The following PCLO variants were observed in gnomAD, a reference collection of about 807,000 sequenced individuals.
The protein encoded by PCLO is protein piccolo.
In PCLO, 82 loss-of-function variants were observed where a neutral mutation model predicts 427.5. The observed-to-expected ratio is 0.19, with a 90% CI of 0.16 to 0.23. PCLO has a LOEUF of 0.23. PCLO is among the 10% of genes least tolerant of loss of function. The pLI, the probability that PCLO is intolerant of heterozygous loss-of-function variation, is 1.00. For synonymous variants in PCLO, 2,357 were observed against 2,155.4 expected (o/e 1.09, Z -2.59); for missense variants, 6,239 against 6,115.9 (o/e 1.02, Z -0.67).
chr7:83,135,125 T>A lies in PCLO; in HGVS notation c.2425A>T (p.Thr809Ser). ...TCAAATGGGCTGACTTTTTCCCCTG[T>A]TGGTGGAAAACTCTGTGAGGGTTTG... ...SAKPSQSFPP[T>S]GEKVSPFDSK... is the part of the protein sequence containing the mutation. Residue 809 changes from threonine (T) to serine (S), a missense_variant, in exon 3 of 25, where the codon ACA becomes TCA. Thr to Ser is a moderately conservative substitution (Grantham distance 58, BLOSUM62 1). Coordinates refer to ENST00000333891, the MANE Select transcript of PCLO (RefSeq NM_033026.6). 1 of 1,613,890 alleles carries A rather than the reference T, an allele frequency of 6.2e-7. No homozygotes were observed. Among genetic ancestry groups the A allele is most frequent in the Non-Finnish European group, 8.5e-7 (1 of 1,179,870 alleles).
chr7:82,817,737 C>T (rs543008355), intron 20 of PCLO, among the ~76,000 whole-genome samples: 9 of 152,226 alleles, frequency 5.9e-5, no homozygotes, highest in South Asian at 2.1e-4. Flanking sequence ...TCAGGGAACT[C>T]GAAATCATAT....
chr7:82,757,208 T>G lies in PCLO; in HGVS notation c.*1367A>C, dbSNP rs936132458. 2 of 152,088 alleles carry G rather than the reference T, an allele frequency of 1.3e-5. No individual in the cohort carries two copies. The highest frequency in any genetic ancestry group is 2.9e-5 in the Non-Finnish European group (2 of 67,986). The allele number at this position is 152,088 out of a possible 1,614,324, so 9.4% of individuals were successfully genotyped here. A position where few individuals can be genotyped will look rare whatever the true frequency, so the allele number is the denominator to read the frequency against. ...GACCAGAAGACAGGCTTTTATTCCC[T>G]GCTGAGTGTTTTTTCCACAACTTCA... On this transcript the variant is annotated 3_prime_UTR_variant, in exon 25 of 25. Transcript: ENST00000333891.
At chr7:82,920,985 CAA>C (rs1229439423) in intron 6 of PCLO, among the ~76,000 whole-genome samples, 5 of 151,544 alleles carry the variant, frequency 3.3e-5, no homozygotes, top group Non-Finnish European at 5.9e-5. Context: ...TTGATGTATT[CAA>C]AGAGTTGTTA....
At chr7:82,844,168 TA>T (rs2115798522) in intron 13 of PCLO, among the ~76,000 whole-genome samples, 1 of 152,302 alleles carries the variant, frequency 6.6e-6, no homozygotes, top group East Asian at 1.9e-4. Context: ...AATTTAGTAT[TA>T]ATTATGTTGG....
At chr7:82,936,606 G>C (rs1794958416) in intron 6 of PCLO, among the ~76,000 whole-genome samples, 1 of 151,634 alleles carries the variant, frequency 6.6e-6, no homozygotes, top group African/African-American at 2.4e-5. Flanking sequence ...CTATGGCAGA[G>C]GTTGACAGTT....
chr7:83,043,796 CA>C (rs1789029026), intron 3 of PCLO, among the ~76,000 whole-genome samples: 1 of 151,316 alleles, frequency 6.6e-6, no homozygotes, highest in South Asian at 2.1e-4. Context: ...TCACTGTATA[CA>C]AAGCCATTTT....
intron 23 of PCLO, 71 bp from the exon 24 acceptor site, chr7:82,760,855 A>T (rs1256951810): frequency 1.4e-6 from 1 of 713,180 alleles, no homozygotes; most frequent in African/African-American, 1.9e-5. Flanking sequence ...TTATAACTGT[A>T]TACTGAGAGT....
chr7:82,977,219 T>G (rs1796037179), intron 3 of PCLO, among the ~76,000 whole-genome samples: 2 of 152,144 alleles, frequency 1.3e-5, no homozygotes, highest in Admixed American at 6.6e-5. Context: ...TATTTTAATT[T>G]TTGTTTTGTT....
chr7:83,052,347 AAAAAC>A (rs1789276592), intron 3 of PCLO, among the ~76,000 whole-genome samples: 1 of 152,008 alleles, frequency 6.6e-6, no homozygotes, highest in African/African-American at 2.4e-5. Flanking sequence ...CTATTAAATA[AAAAAC>A]AAAACAAAAC....
chr7:82,853,976 T>C (rs1792734646), intron 10 of PCLO, among the ~76,000 whole-genome samples: 1 of 152,168 alleles, frequency 6.6e-6, no homozygotes, highest in African/African-American at 2.4e-5. Context: ...TATAAGAAAT[T>C]TAAAAAATAC....
intron 3 of PCLO, among the ~76,000 whole-genome samples, chr7:82,979,918 A>G (rs1796110022): frequency 2.0e-5 from 3 of 152,192 alleles, no homozygotes; most frequent in Admixed American, 2.0e-4. Flanking sequence ...GTTCACATAA[A>G]CCCAACTTTG....
chr7:82,848,968 C>A (rs1329994819), intron 10 of PCLO: 2 of 346,248 alleles, frequency 5.8e-6, no homozygotes, highest in East Asian at 7.7e-5. Flanking sequence ...ACAGTGACAA[C>A]AACACTAAAT....
chr7:83,069,923 T>A (rs1014841946), intron 3 of PCLO, among the ~76,000 whole-genome samples: 1 of 151,890 alleles, frequency 6.6e-6, no homozygotes, highest in Non-Finnish European at 1.5e-5. Context: ...TTTAAAGATA[T>A]GCTGACCAAT....
intron 19 of PCLO, among the ~76,000 whole-genome samples, chr7:82,823,502 T>C (rs1584012944): frequency 6.6e-6 from 1 of 152,216 alleles, no homozygotes; most frequent in Admixed American, 6.5e-5. Flanking sequence ...CCACATGTTT[T>C]ATCCCACAGA....
At position 82,761,464 on chromosome 7, in the gene PCLO, T is replaced by C; in HGVS notation, c.15037A>G (p.Ile5013Val). 1 of 1,599,322 alleles carries C rather than the reference T, an allele frequency of 6.3e-7. No individual in the cohort carries two copies. The highest frequency in any genetic ancestry group is 8.5e-7 in the Non-Finnish European group (1 of 1,172,444). The part of the protein sequence containing the change: ...AKTQVMGEIK[I>V]ALKKEMKTDG... ...GTCTTCATTTCCTTCTTCAATGCAA[T>C]CTTGATTTCTCCCATTACCTGAGTT... The change falls in exon 23 of 25, where the codon ATT becomes GTT. Residue 5013 changes from isoleucine to valine, a missense_variant. By Grantham distance (29) the Ile-to-Val change is conservative. Transcript: ENST00000333891.
At chr7:82,817,152 T>C (rs73707302) in intron 20 of PCLO, among the ~76,000 whole-genome samples, 2 of 152,280 alleles carry the variant, frequency 1.3e-5, no homozygotes, top group East Asian at 1.9e-4. Flanking sequence ...GCTGAAATTG[T>C]CCAAATTGAT....
Position 82,954,930 on chromosome 7 carries a change from G to T in PCLO, c.6023C>A (p.Thr2008Lys). 1 of 1,613,630 alleles carries T rather than the reference G, an allele frequency of 6.2e-7. No individual in the cohort carries two copies. The highest frequency in any genetic ancestry group is 8.5e-7 in the Non-Finnish European group (1 of 1,179,796). Residue 2008 changes from threonine to lysine, a missense_variant, in exon 5 of 25, where the codon ACA (threonine) becomes AAA (lysine). Coordinates refer to ENST00000333891, the MANE Select transcript of PCLO (RefSeq NM_033026.6). Reference sequence around the variant, plus strand: ...CTCATAAAACTCTTTCTGGAGGTCTGTAATTTTCTGCATAGGATCTTCATA... The same window carrying T: ...CTCATAAAACTCTTTCTGGAGGTCTTTAATTTTCTGCATAGGATCTTCATA... ...QIYEDPMQKI[T>K]DLQKEFYELE...
At chr7:83,108,339 T>C (rs934446040) in intron 3 of PCLO, among the ~76,000 whole-genome samples, 1 of 152,164 alleles carries the variant, frequency 6.6e-6, no homozygotes, top group Admixed American at 6.5e-5. Flanking sequence ...GCAGATAGCA[T>C]CTATCTACCT....
chr7:83,158,255 T>C lies in PCLO; in HGVS notation c.249-1863A>G, dbSNP rs548067741. The stretch of plus-strand genomic sequence containing the variant: ...AAAGTGTTACCCTAGTTAATTCCAA[T>C]AGTTCCAAGCTAGCTCTTAAAATGG... On this transcript the variant is annotated intron_variant, in intron 1 of 24. Coordinates refer to ENST00000333891, the MANE Select transcript of PCLO (RefSeq NM_033026.6). 2.6e-5 allele frequency among the ~76,000 whole-genome samples: 4 copies of C among 152,084 alleles called. No individual in the cohort carries two copies. The East Asian group carries it at 7.7e-4, about 29-fold the overall frequency.
Sources: gnomAD v4.1 joint callset for allele counts (sites outside exome capture counted in the v4.1 genomes callset) on GRCh38, gnomAD v4.1.1 for gene constraint, MANE v1.5 for transcripts, NCBI Gene and HGNC (gene_info 2026-07-23, HGNC 2026-07-21) for gene names.